DOCK3: variants seen among roughly 807,000 people sequenced by gnomAD.
DOCK3 encodes the protein dedicator of cytokinesis 3.
DOCK3 carries 60 observed loss-of-function variants against 265.6 expected under a neutral mutation model. The observed-to-expected ratio is 0.23, with a 90% CI of 0.18 to 0.28. DOCK3 has a LOEUF of 0.28. Ranked by LOEUF, DOCK3 falls within the 10% of genes least tolerant of loss-of-function variation. The pLI is 1.00. For missense variants in DOCK3, 1,981 were observed against 2,594.3 expected (o/e 0.76, Z 5.14); for synonymous variants, 881 against 938.0 (o/e 0.94, Z 1.11).
intron 1 of DOCK3, among the ~76,000 whole-genome samples, chr3:50,709,132 G>C (rs1279686496): frequency 6.6e-6 from 1 of 152,198 alleles, no homozygotes; most frequent in Non-Finnish European, 1.5e-5. Flanking sequence ...TCACTCGTTA[G>C]ACATTTGTTA....
Position 50,808,680 on chromosome 3 carries a change from C to G in DOCK3, c.121+29922C>G, listed in dbSNP as rs1010618392. Among the ~76,000 whole-genome samples, 3 of 152,304 alleles carry G rather than the reference C, an allele frequency of 2.0e-5. No homozygotes were observed. In the South Asian group the frequency reaches 6.2e-4, roughly 32 times the overall value. On this transcript the variant is annotated intron_variant, in intron 2 of 52. Coordinates refer to ENST00000266037, the MANE Select transcript of DOCK3 (RefSeq NM_004947.5). ...AGCAGGCTCCATGTTCTTGTGGAAG[C>G]CATTCTCTTTCCCACAGATTCTGGA...
At chr3:50,970,948 A>ACG (rs1491447563) in intron 5 of DOCK3, among the ~76,000 whole-genome samples, 3 of 51,762 alleles carry the variant, frequency 5.8e-5, no homozygotes, top group Admixed American at 2.8e-4. Flanking sequence ...TATATATATA[A>ACG]TGTGTGTGTG....
At chr3:50,973,446 T>C (rs1173408826) in intron 5 of DOCK3, among the ~76,000 whole-genome samples, 4 of 143,034 alleles carry the variant, frequency 2.8e-5, no homozygotes, top group Admixed American at 1.4e-4. Context: ...GTTTCATCCA[T>C]GTCCCTACAA....
chr3:50,804,363 G>T (rs888573183), intron 2 of DOCK3, among the ~76,000 whole-genome samples: 1 of 152,114 alleles, frequency 6.6e-6, no homozygotes, highest in Non-Finnish European at 1.5e-5. Context: ...CTGCAATCTC[G>T]GCACTTTGGG....
chr3:51,260,066 A>G, intron 22 of DOCK3, 90 bp from the exon 23 acceptor site: 1 of 1,312,656 alleles, frequency 7.6e-7, no homozygotes, highest in South Asian at 1.6e-5. Flanking sequence ...TGGTATAGAA[A>G]CTGCTGTTAC....
intron 5 of DOCK3, among the ~76,000 whole-genome samples, chr3:50,985,853 T>A (rs902876524): frequency 6.6e-6 from 1 of 151,840 alleles, no homozygotes; most frequent in Admixed American, 6.6e-5. Context: ...TAAATAAATT[T>A]ATTTAATAAA....
intron 27 of DOCK3, among the ~76,000 whole-genome samples, chr3:51,283,313 G>T (rs1025847236): frequency 2.0e-5 from 3 of 152,200 alleles, no homozygotes; most frequent in Admixed American, 6.5e-5. Context: ...TCCCTGTGGA[G>T]AGGAGGGTTT....
Position 50,867,659 on chromosome 3 carries a change from T to A in DOCK3, c.163-22367T>A, listed in dbSNP as rs555379239. On this transcript the variant is annotated intron_variant, in intron 3 of 52. Transcript: ENST00000266037. The stretch of plus-strand genomic sequence containing the variant: ...TGAAGGGATTTTGAACTTTATCAGA[T>A]GCTTTTTCATAATCAATTGAAATGA... Among the ~76,000 whole-genome samples, 4 of 152,046 alleles carry A rather than the reference T, an allele frequency of 2.6e-5. No individual in the cohort carries two copies. The East Asian group carries it at 7.7e-4, about 29-fold the overall frequency.
chr3:50,710,906 G>A (rs2036721240), intron 1 of DOCK3, among the ~76,000 whole-genome samples: 1 of 152,180 alleles, frequency 6.6e-6, no homozygotes, highest in South Asian at 2.1e-4. Context: ...ACAGAGGAAT[G>A]GAAAACCAAA....
rs139863303 is a variant in DOCK3 at position 51,130,777 on chromosome 3, A to G, written c.747-15772A>G. Among the ~76,000 whole-genome samples the G allele has an allele frequency of 1.3e-4, 20 of 152,270 alleles. No individual in the cohort carries two copies. The East Asian group carries it at 1.5e-3, about 12-fold the overall frequency. On this transcript the variant is annotated intron_variant, in intron 9 of 52. Coordinates refer to ENST00000266037, the MANE Select transcript of DOCK3 (RefSeq NM_004947.5). ...AGCTGGAGTGCAGTGGAGTGATCTC[A>G]GTTCACTGCAACCTCTGTCTTCTAA...
intron 1 of DOCK3, chr3:50,719,562 T>G: frequency 7.4e-7 from 1 of 1,357,830 alleles, no homozygotes; most frequent in Non-Finnish European, 1.0e-6. Context: ...ATGGCCTGCA[T>G]AATATTAATG....
intron 38 of DOCK3, among the ~76,000 whole-genome samples, chr3:51,342,824 C>T (rs1287037497): frequency 6.6e-6 from 1 of 152,160 alleles, no homozygotes; most frequent in East Asian, 1.9e-4. Flanking sequence ...CTAGGAGGCT[C>T]CATAGGCCAC....
chr3:51,185,696 T>C (rs2087558874), intron 12 of DOCK3, among the ~76,000 whole-genome samples: 1 of 152,122 alleles, frequency 6.6e-6, no homozygotes, highest in Admixed American at 6.5e-5. Context: ...TGGGAGATAA[T>C]TGAATCATGG....
chr3:50,732,205 CTG>C (rs1005461582), intron 1 of DOCK3, among the ~76,000 whole-genome samples: 1 of 151,990 alleles, frequency 6.6e-6, no homozygotes, highest in African/African-American at 2.4e-5. Flanking sequence ...GAGCTGAACA[CTG>C]AGAACACATG....
At chr3:50,823,370 T>C (rs1185819087) in intron 2 of DOCK3, among the ~76,000 whole-genome samples, 1 of 152,188 alleles carries the variant, frequency 6.6e-6, no homozygotes, top group Non-Finnish European at 1.5e-5. Flanking sequence ...TGATGACTCT[T>C]AACGAGCATG....
At chr3:51,121,984 A>C (rs1018643321) in intron 9 of DOCK3, among the ~76,000 whole-genome samples, 3 of 152,224 alleles carry the variant, frequency 2.0e-5, no homozygotes, top group Non-Finnish European at 4.4e-5. Flanking sequence ...ACTAATGGTC[A>C]TAGTCATGGA....
intron 2 of DOCK3, among the ~76,000 whole-genome samples, chr3:50,790,322 G>C (rs1015647421): frequency 2.6e-5 from 4 of 152,098 alleles, no homozygotes; most frequent in Admixed American, 6.6e-5. Context: ...ATTGAGACGT[G>C]AGGTACTATT....
intron 2 of DOCK3, among the ~76,000 whole-genome samples, chr3:50,820,028 A>T (rs966850680): frequency 2.0e-5 from 3 of 152,226 alleles, no homozygotes; most frequent in African/African-American, 7.2e-5. Flanking sequence ...TATGTCTGAA[A>T]GGGGGAGAAA....
At position 51,270,762 on chromosome 3, in the gene DOCK3, G is replaced by A. The variant is rs111387284; in HGVS notation, c.2356-53G>A. ...CTTGTATCATTGTCTGAGCATGAAA[G>A]ATAGACACACACCCTAACTCTGTGC... On this transcript the variant is annotated intron_variant, in intron 23 of 52. Transcript: ENST00000266037. 7.7e-4 allele frequency: 1,183 copies of A among 1,543,114 alleles called. 15 individuals are homozygous for A. The African/African-American group carries it at 0.014, about 18-fold the overall frequency.
Sources: allele counts gnomAD v4.1 joint callset (sites outside exome capture counted in the v4.1 genomes callset), GRCh38; gene constraint gnomAD v4.1.1; transcripts MANE v1.5; gene names NCBI Gene and HGNC (gene_info 2026-07-23, HGNC 2026-07-21).